PARG: variants seen among roughly 807,000 people sequenced by gnomAD.
The protein encoded by PARG is mitochondrial poly(ADP-ribose) glycohydrolase.
PARG carries 35 observed loss-of-function variants against 113.0 expected under a neutral mutation model. The ratio of observed to expected loss-of-function variants is 0.31; its 90% CI spans 0.24 to 0.41. The LOEUF is 0.41. Among genes scored for constraint, PARG ranks in the 10% least tolerant of loss-of-function variants. The pLI is 1.00. For synonymous variants in PARG, 330 were observed against 409.9 expected, an observed-to-expected ratio of 0.81 and a Z score of 2.36; for missense variants, 797 against 1,169.4, an observed-to-expected ratio of 0.68 and a Z score of 4.64.
chr10:49,889,064 T>TA (rs1847637402), intron 7 of PARG, among the ~76,000 whole-genome samples: 1 of 151,654 alleles, frequency 6.6e-6, no homozygotes, highest in African/African-American at 2.4e-5. Context: ...GGATAGTTTT[T>TA]TTTTTTTTCT....
In PARG at chr10:49,933,442, G is replaced by C; in HGVS notation, c.1006C>G (p.Gln336Glu). The stretch of plus-strand genomic sequence containing the variant: ...AACCTTGAAGGTTTATTTGCTGTTT[G>C]GGAGGAACTACCATCTTCTTGTTCA... Reference protein sequence around the residue: ...FDEQEDGSSSQTANKPSRFQA... With the variant: ...FDEQEDGSSSETANKPSRFQA... The change falls in exon 3 of 18, where the codon CAA (glutamine) becomes GAA (glutamate). Residue 336 changes from glutamine to glutamate, a missense_variant. Gln to Glu is a conservative substitution (Grantham distance 29, BLOSUM62 2). This residue lies in a region of PARG where 252 missense variants were observed against 437.4 expected (regional missense o/e 0.58). Coordinates refer to ENST00000616448, the MANE Select transcript of PARG (RefSeq NM_003631.5). 2 of 1,613,138 alleles carry C rather than the reference G, an allele frequency of 1.2e-6. No homozygotes were observed. The highest frequency in any genetic ancestry group is 8.5e-7 in the Non-Finnish European group (1 of 1,179,204).
intron 6 of PARG, among the ~76,000 whole-genome samples, chr10:49,916,292 T>C (rs1223688114): frequency 6.6e-6 from 1 of 151,986 alleles, no homozygotes; most frequent in African/African-American, 2.4e-5. Flanking sequence ...AAACTGGATC[T>C]TGAGGGGTAA....
chr10:49,831,708 G>A (rs61846895), intron 16 of PARG, among the ~76,000 whole-genome samples: 3 of 152,154 alleles, frequency 2.0e-5, no homozygotes, highest in Non-Finnish European at 4.4e-5. Flanking sequence ...CTGACACTAA[G>A]GGGAAGGGTT....
intron 8 of PARG, among the ~76,000 whole-genome samples, chr10:49,883,220 A>C (rs1254446403): frequency 6.6e-6 from 1 of 152,132 alleles, no homozygotes; most frequent in Non-Finnish European, 1.5e-5. Flanking sequence ...TGCCCCAGTG[A>C]CCCTATTTGT....
At position 49,941,759 on chromosome 10, in the gene PARG, C is replaced by G. The variant is rs1206684386; in HGVS notation, c.-34G>C. ...CAGCAGCGCACTGTCCCCGGGCCGG[C>G]CCGGGCGGAGAGCCTCATTCACTAA... On this transcript the variant is annotated 5_prime_UTR_variant, in exon 1 of 18. Coordinates refer to ENST00000616448, the MANE Select transcript of PARG (RefSeq NM_003631.5). 1.3e-6 allele frequency: 2 copies of G among 1,547,250 alleles called. No homozygotes were observed. Among genetic ancestry groups the G allele is most frequent in the Non-Finnish European group, 1.7e-6 (2 of 1,150,286 alleles).
At chr10:49,820,054 A>G in intron 17 of PARG, 111 bp downstream of exon 17, 1 of 731,816 alleles carries the variant, frequency 1.4e-6, no homozygotes, top group Non-Finnish European at 2.3e-6. Flanking sequence ...GCTTAGAGCC[A>G]TGCTTTTGTT....
chr10:49,891,040 C>A (rs1303326963), intron 7 of PARG, among the ~76,000 whole-genome samples: 1 of 152,186 alleles, frequency 6.6e-6, no homozygotes, highest in Non-Finnish European at 1.5e-5. Flanking sequence ...TCAGGCCGGG[C>A]GTGGTGGCTC....
intron 7 of PARG, among the ~76,000 whole-genome samples, chr10:49,888,192 T>C (rs1588945745): frequency 6.6e-6 from 1 of 152,066 alleles, no homozygotes; most frequent in Non-Finnish European, 1.5e-5. Context: ...CAATATTTCC[T>C]CTACATACAT....
intron 16 of PARG, among the ~76,000 whole-genome samples, chr10:49,831,329 GAGATGAATTTTATCTAAATATAGTTC>G (rs1367794416): frequency 3.3e-5 from 5 of 152,186 alleles, no homozygotes; most frequent in African/African-American, 1.2e-4. Flanking sequence ...TATTCTCAAA[GAGATGAATTTTATCTAAATATAGTTC>G]AGCTATTAAG....
intron 16 of PARG, among the ~76,000 whole-genome samples, chr10:49,827,777 A>G (rs1844429031): frequency 7.2e-6 from 1 of 139,434 alleles, no homozygotes; most frequent in South Asian, 2.2e-4. Flanking sequence ...TCTTACAGCA[A>G]AAGAGTAAGT....
chr10:49,880,805 TATA>T (rs782018115), intron 8 of PARG, among the ~76,000 whole-genome samples: 10 of 152,304 alleles, frequency 6.6e-5, no homozygotes, highest in Non-Finnish European at 1.2e-4. Context: ...CAAATCTTTT[TATA>T]ATAATAAGAC....
At chr10:49,931,463 A>T (rs1306770353) in intron 4 of PARG, among the ~76,000 whole-genome samples, 1 of 152,090 alleles carries the variant, frequency 6.6e-6, no homozygotes, top group African/African-American at 2.4e-5. Context: ...TTGATGGATC[A>T]GCTGGCACCA....
At chr10:49,897,747 C>T (rs1433210287) in intron 7 of PARG, among the ~76,000 whole-genome samples, 9 of 152,182 alleles carry the variant, frequency 5.9e-5, no homozygotes, top group Non-Finnish European at 1.2e-4. Flanking sequence ...GTGGCTCACA[C>T]CTATAACCCC....
intron 4 of PARG, among the ~76,000 whole-genome samples, chr10:49,927,361 GGAAAGAAGGAAAGAAAGAAAGAAAGAAA>G (rs1838237881): frequency 4.3e-5 from 4 of 92,280 alleles, no homozygotes; most frequent in South Asian, 7.9e-4. Context: ...AAAGAAAGAA[GGAAAGAAGGAAAGAAAGAAAGAAAGAAA>G]GAAAGAAAGA....
intron 7 of PARG, among the ~76,000 whole-genome samples, chr10:49,887,619 T>C (rs61846923): frequency 0.032 from 4,840 of 152,272 alleles, 138 homozygotes; most frequent in Middle Eastern, 0.075. Flanking sequence ...CAAGTATCAA[T>C]AGTTCACTCC....
intron 4 of PARG, among the ~76,000 whole-genome samples, chr10:49,927,177 C>A (rs192886054): frequency 6.6e-6 from 1 of 151,852 alleles, no homozygotes; most frequent in Non-Finnish European, 1.5e-5. Context: ...CATTGTGCCG[C>A]GCGTCGGTAG....
At chr10:49,854,773 C>G (rs1554834768) in intron 13 of PARG, among the ~76,000 whole-genome samples, 1 of 146,476 alleles carries the variant, frequency 6.8e-6, no homozygotes, top group African/African-American at 2.6e-5. Context: ...GACTACTAAT[C>G]TAACAAGCAG....
chr10:49,903,670 T>C (rs539306651), intron 7 of PARG, among the ~76,000 whole-genome samples: 1 of 151,928 alleles, frequency 6.6e-6, no homozygotes, highest in South Asian at 2.1e-4. Context: ...CAAAAAAGGA[T>C]ACTCAGAGGA....
rs1554910290 is a variant in PARG, at chr10:49,933,289, G to T, written c.1159C>A (p.Pro387Thr). Reference sequence around the variant, plus strand: ...ACATTCAGGCTAGAAATATTTCCAGGTAGTTTAGCATTTAAATCATTCATT... The same window carrying T: ...ACATTCAGGCTAGAAATATTTCCAGTTAGTTTAGCATTTAAATCATTCATT... ...TGMNDLNAKL[P>T]GNISSLNVEC... The change falls in exon 3 of 18, where the codon CCT becomes ACT. Residue 387 changes from proline (P) to threonine (T), a missense_variant. Pro to Thr is a conservative substitution (Grantham distance 38). This residue lies in a region of PARG where 252 missense variants were observed against 437.4 expected (regional missense o/e 0.58). Transcript: ENST00000616448. 1.2e-6 allele frequency: 2 copies of T among 1,607,086 alleles called. No individual in the cohort carries two copies. The highest frequency in any genetic ancestry group is 2.7e-5 in the African/African-American group (2 of 74,808).
Sources: allele counts gnomAD v4.1 joint callset (sites outside exome capture counted in the v4.1 genomes callset), GRCh38; gene constraint gnomAD v4.1.1; regional missense constraint gnomAD v4.1.1; transcripts MANE v1.5; gene names NCBI Gene and HGNC (gene_info 2026-07-23, HGNC 2026-07-21).